Variants in NXPE2 observed in about 807,000 individuals in gnomAD.
NXPE2 encodes NXPE family member 2.
A neutral mutation model predicts 34.4 loss-of-function variants in NXPE2; 34 were observed. That is an observed-to-expected ratio of 0.99 (90% confidence interval 0.75 to 1.31). The LOEUF (loss-of-function observed/expected upper bound fraction) is 1.31, where lower values mean the gene tolerates loss of function less well. Ranked by LOEUF, NXPE2 falls within the 40% of genes most tolerant of loss-of-function variation. The probability of loss-of-function intolerance (pLI) is 0.00; values close to 1 mark genes in which losing one functional copy is unlikely to be tolerated. For synonymous variants in NXPE2, 235 were observed against 231.3 expected (o/e 1.02, Z -0.15); for missense variants, 649 against 672.5 (o/e 0.97, Z 0.39).
chr11:114,715,836 T>C, the NXPE2 span, among the ~76,000 whole-genome samples: 3 of 152,230 alleles, frequency 2.0e-5, no homozygotes, highest in African/African-American at 7.2e-5. Flanking sequence ...CTGGCTCTTT[T>C]GCTTCTCAGA....
At chr11:114,619,521 C>A in the NXPE2 span, among the ~76,000 whole-genome samples, 1 of 151,664 alleles carries the variant, frequency 6.6e-6, no homozygotes, top group African/African-American at 2.4e-5. Flanking sequence ...ACCACTGTTA[C>A]CCGGTGGAGG....
the NXPE2 span, among the ~76,000 whole-genome samples, chr11:114,469,524 C>G: frequency 1.3e-5 from 2 of 151,704 alleles, no homozygotes; most frequent in Non-Finnish European, 2.9e-5. Flanking sequence ...GAGTCTCGCA[C>G]TCTCGCCTGG....
the NXPE2 span, chr11:114,583,278 G>A: frequency 1.5e-6 from 1 of 649,944 alleles, no homozygotes; most frequent in South Asian, 1.7e-5. Flanking sequence ...GGCACCAGGA[G>A]GAAAGTCTGT....
the NXPE2 span, among the ~76,000 whole-genome samples, chr11:114,661,963 T>G: frequency 6.6e-6 from 1 of 152,146 alleles, no homozygotes; most frequent in African/African-American, 2.4e-5. Context: ...TAAAAGGACC[T>G]GTAGGAGGTG....
chr11:114,583,477 C>A, the NXPE2 span: 1 of 654,918 alleles, frequency 1.5e-6, no homozygotes, highest in East Asian at 4.0e-5. Flanking sequence ...ACATTAAATT[C>A]TTGTGCTCCA....
chr11:114,582,428 G>A, the NXPE2 span: 3 of 1,614,184 alleles, frequency 1.9e-6, no homozygotes, highest in Non-Finnish European at 1.7e-6. Flanking sequence ...CCAGGTACTG[G>A]CACAATTCAG....
chr11:114,768,448 A>C, the NXPE2 span, among the ~76,000 whole-genome samples: 2 of 152,208 alleles, frequency 1.3e-5, no homozygotes, highest in Admixed American at 1.3e-4. Flanking sequence ...TTCTGTGAAG[A>C]AAGTCAATGG....
chr11:114,547,169 A>G, the NXPE2 span, among the ~76,000 whole-genome samples: 5 of 152,306 alleles, frequency 3.3e-5, no homozygotes, highest in Admixed American at 2.0e-4. Context: ...CTTACTGTGG[A>G]GAAACCTGAT....
intron 3 of NXPE2, 126 bp downstream of exon 3, chr11:114,698,904 C>G (rs1951315001): frequency 6.5e-6 from 6 of 920,914 alleles, no homozygotes; most frequent in Non-Finnish European, 9.5e-6. Flanking sequence ...ATTAGGTCCT[C>G]AGAGTCAGTT....
the NXPE2 span, among the ~76,000 whole-genome samples, chr11:114,493,416 C>G: frequency 6.6e-6 from 1 of 152,048 alleles, no homozygotes; most frequent in Non-Finnish European, 1.5e-5. Context: ...TCATGTCTTC[C>G]TTTTAGTGAA....
chr11:114,808,705 G>A, the NXPE2 span, among the ~76,000 whole-genome samples: 3 of 151,756 alleles, frequency 2.0e-5, no homozygotes, highest in Non-Finnish European at 4.4e-5. Flanking sequence ...ATAATCAATA[G>A]CTTACCACCA....
At chr11:114,695,967 G>A (rs949060715) in intron 2 of NXPE2, among the ~76,000 whole-genome samples, 5 of 151,918 alleles carry the variant, frequency 3.3e-5, no homozygotes, top group African/African-American at 1.2e-4. Context: ...GCAGTGAGCC[G>A]AGATTGTGCC....
At chr11:114,476,220 T>G in the NXPE2 span, among the ~76,000 whole-genome samples, 4 of 152,214 alleles carry the variant, frequency 2.6e-5, no homozygotes, top group Non-Finnish European at 5.9e-5. Context: ...AAATAAAGTC[T>G]TCTTATGTGT....
chr11:114,504,825 C>G, the NXPE2 span, among the ~76,000 whole-genome samples: 2 of 152,196 alleles, frequency 1.3e-5, no homozygotes, highest in African/African-American at 4.8e-5. Flanking sequence ...CGAGTGCCTT[C>G]TTTCCTCCAA....
chr11:114,541,339 A>G, the NXPE2 span, among the ~76,000 whole-genome samples: 1 of 152,268 alleles, frequency 6.6e-6, no homozygotes, highest in Non-Finnish European at 1.5e-5. Context: ...GACAAGGACT[A>G]TGAAACAGCT....
chr11:114,722,372 T>G, the NXPE2 span, among the ~76,000 whole-genome samples: 2 of 152,284 alleles, frequency 1.3e-5, no homozygotes. Flanking sequence ...GTAAGTATCC[T>G]GAGGTCTTCC....
Position 114,706,556 on chromosome 11 carries a change from G to T in NXPE2, c.1306G>T (p.Asp436Tyr), listed in dbSNP as rs994579372. Residue 436 changes from aspartate (D) to tyrosine (Y), a missense_variant, in exon 6 of 6, where the codon GAC becomes TAC. Coordinates refer to ENST00000389586, the MANE Select transcript of NXPE2 (RefSeq NM_182495.6). ...KDENYIPREI[D>Y]QVAGDKNTAI... ...TGAAAACTATATCCCACGGGAAATT[G>T]ACCAGGTAGCAGGAGACAAAAACAC... The T allele has an allele frequency of 3.2e-6, 5 of 1,551,712 alleles. No individual in the cohort carries two copies. The African/African-American group carries it at 5.5e-5, about 17-fold the overall frequency.
chr11:114,501,631 T>G, the NXPE2 span, among the ~76,000 whole-genome samples: 1 of 152,292 alleles, frequency 6.6e-6, no homozygotes, highest in Non-Finnish European at 1.5e-5. Flanking sequence ...TCTTTGGGAC[T>G]ATGAAAGTCA....
intron 2 of NXPE2, among the ~76,000 whole-genome samples, chr11:114,683,461 A>T (rs1950983687): frequency 6.9e-6 from 1 of 144,840 alleles, no homozygotes; most frequent in African/African-American, 2.6e-5. Flanking sequence ...TTGCTCTGTC[A>T]CCAGGCTGAA....
Sources: allele counts gnomAD v4.1 joint callset (sites outside exome capture counted in the v4.1 genomes callset), GRCh38; gene constraint gnomAD v4.1.1; transcripts MANE v1.5; gene names NCBI Gene and HGNC (gene_info 2026-07-23, HGNC 2026-07-21).